CNTNAP2: variants seen among roughly 807,000 people sequenced by gnomAD.
CNTNAP2 encodes contactin associated protein 2.
Under a neutral mutation model 155.2 loss-of-function variants are expected in CNTNAP2, and 98 were observed. That is an observed-to-expected ratio of 0.63 (90% CI 0.54 to 0.75). The LOEUF is 0.75. Ranked by LOEUF, CNTNAP2 falls within the 30% of genes least tolerant of loss-of-function variation. The pLI, the probability that CNTNAP2 is intolerant of heterozygous loss-of-function variation, is 0.00. For synonymous variants in CNTNAP2, 651 were observed against 631.2 expected (o/e 1.03, Z -0.47); for missense variants, 1,727 against 1,688.1 (o/e 1.02, Z -0.40).
At chr7:146,404,124 C>CAAAAAAAAAAAAAAAA (rs1163559597) in intron 1 of CNTNAP2, among the ~76,000 whole-genome samples, 5 of 72,766 alleles carry the variant, frequency 6.9e-5, no homozygotes, top group African/African-American at 2.6e-4. Flanking sequence ...GACTCCGTCT[C>CAAAAAAAAAAAAAAAA]AAAAAAAAAA....
At chr7:147,967,465 G>A (rs1387669010) in intron 14 of CNTNAP2, among the ~76,000 whole-genome samples, 1 of 152,118 alleles carries the variant, frequency 6.6e-6, no homozygotes, top group Non-Finnish European at 1.5e-5. Flanking sequence ...AAAAATGAGG[G>A]TAGTAATTAG....
Position 148,085,386 on chromosome 7 carries a change from A to C in CNTNAP2, c.2384-32732A>C, listed in dbSNP as rs1483845047. 5.3e-5 allele frequency among the ~76,000 whole-genome samples: 8 copies of C among 152,334 alleles called. No individual in the cohort carries two copies. In the South Asian group the frequency reaches 8.3e-4, roughly 16 times the overall value. On this transcript the variant is annotated intron_variant, in intron 15 of 23. Coordinates refer to ENST00000361727, the MANE Select transcript of CNTNAP2 (RefSeq NM_014141.6). ...ATAGCTTGGGTTGTTAAGCATCAAC[A>C]TAGCTTTTCAAAATAGTTTTTTATT...
chr7:148,064,521 A>G (rs1245135799), intron 15 of CNTNAP2, among the ~76,000 whole-genome samples: 1 of 152,034 alleles, frequency 6.6e-6, no homozygotes, highest in African/African-American at 2.4e-5. Flanking sequence ...AGAAAACCCT[A>G]AAGACTCATC....
intron 8 of CNTNAP2, among the ~76,000 whole-genome samples, chr7:147,254,114 C>G (rs946572908): frequency 6.6e-6 from 1 of 152,096 alleles, no homozygotes; most frequent in African/African-American, 2.4e-5. Context: ...CCCTCCACCC[C>G]CAACTCCACA....
intron 1 of CNTNAP2, among the ~76,000 whole-genome samples, chr7:146,226,199 A>G (rs1480957469): frequency 6.6e-6 from 1 of 152,176 alleles, no homozygotes; most frequent in African/African-American, 2.4e-5. Context: ...CCCAACATAC[A>G]ACTTCCTTCC....
intron 21 of CNTNAP2, among the ~76,000 whole-genome samples, chr7:148,380,849 C>A (rs1057476618): frequency 1.3e-5 from 2 of 152,182 alleles, no homozygotes; most frequent in African/African-American, 4.8e-5. Flanking sequence ...CAGGATGCTT[C>A]CCTGACCGCT....
chr7:147,829,805 A>T (rs534451739), intron 13 of CNTNAP2, among the ~76,000 whole-genome samples: 1 of 152,210 alleles, frequency 6.6e-6, no homozygotes, highest in Admixed American at 6.5e-5. Context: ...TGATGGTCAG[A>T]GTGACCACCG....
chr7:146,459,062 C>T (rs1796598502), intron 1 of CNTNAP2, among the ~76,000 whole-genome samples: 1 of 152,106 alleles, frequency 6.6e-6, no homozygotes, highest in Admixed American at 6.6e-5. Context: ...CAGAAGGCAA[C>T]AAGATTATAT....
chr7:146,962,488 T>A (rs1205826575), intron 3 of CNTNAP2, among the ~76,000 whole-genome samples: 2 of 152,186 alleles, frequency 1.3e-5, no homozygotes, highest in East Asian at 3.9e-4. Context: ...TTGGGTAAAA[T>A]ATGACATTGA....
chr7:148,183,071 C>T (rs1859537), intron 18 of CNTNAP2, among the ~76,000 whole-genome samples: 113,040 of 152,188 alleles, frequency 0.74, 42,251 homozygotes, highest in East Asian at 0.86. Context: ...TAGTGAAATA[C>T]GGGAACATGT....
At chr7:147,084,550 A>C (rs1800229187) in intron 4 of CNTNAP2, among the ~76,000 whole-genome samples, 1 of 145,546 alleles carries the variant, frequency 6.9e-6, no homozygotes, top group Admixed American at 7.0e-5. Context: ...ATATATAATA[A>C]TATAATAATA....
intron 15 of CNTNAP2, among the ~76,000 whole-genome samples, chr7:147,996,062 G>A (rs919504639): frequency 3.3e-5 from 5 of 152,184 alleles, no homozygotes; most frequent in African/African-American, 7.2e-5. Context: ...ATGTTTCTAC[G>A]TGCTAGCGAA....
chr7:146,579,338 A>T (rs1225303175), intron 1 of CNTNAP2, among the ~76,000 whole-genome samples: 1 of 152,156 alleles, frequency 6.6e-6, no homozygotes, highest in Non-Finnish European at 1.5e-5. Context: ...AACCTAAATA[A>T]GCAAACAGCC....
At chr7:147,124,812 A>G (rs1298624074) in intron 6 of CNTNAP2, among the ~76,000 whole-genome samples, 3 of 151,984 alleles carry the variant, frequency 2.0e-5, no homozygotes, top group Non-Finnish European at 4.4e-5. Context: ...AACATCATGA[A>G]AGAAGTGATG....
chr7:147,300,873 G>A (rs370801381), intron 9 of CNTNAP2, among the ~76,000 whole-genome samples: 4 of 151,984 alleles, frequency 2.6e-5, no homozygotes, highest in Non-Finnish European at 5.9e-5. Flanking sequence ...AGCCTCTCCC[G>A]GGGGTCACTG....
chr7:148,077,973 T>C (rs2116541648), intron 15 of CNTNAP2, among the ~76,000 whole-genome samples: 1 of 151,258 alleles, frequency 6.6e-6, no homozygotes, highest in African/African-American at 2.5e-5. Context: ...TTACTATAAT[T>C]GGATTCAACT....
chr7:146,303,947 G>C (rs932234098), intron 1 of CNTNAP2, among the ~76,000 whole-genome samples: 2 of 152,004 alleles, frequency 1.3e-5, no homozygotes, highest in Admixed American at 1.3e-4. Flanking sequence ...GAATCTGGGT[G>C]CTCCTATATT....
At chr7:146,336,610 T>C (rs1584875486) in intron 1 of CNTNAP2, among the ~76,000 whole-genome samples, 1 of 152,074 alleles carries the variant, frequency 6.6e-6, no homozygotes. Context: ...AAAAAATGTA[T>C]GTATGCACAA....
chr7:147,212,124 A>T (rs766964088), intron 8 of CNTNAP2, among the ~76,000 whole-genome samples: 2 of 152,110 alleles, frequency 1.3e-5, no homozygotes, highest in Non-Finnish European at 2.9e-5. Context: ...TGCAGAGAAA[A>T]GGGAATGCTT....
Sources: gnomAD v4.1 joint callset for allele counts (sites outside exome capture counted in the v4.1 genomes callset) on GRCh38, gnomAD v4.1.1 for gene constraint, MANE v1.5 for transcripts, NCBI Gene and HGNC (gene_info 2026-07-23, HGNC 2026-07-21) for gene names.